The following AMMECR1 variants were observed in gnomAD, a reference collection of about 807,000 sequenced individuals.
The protein encoded by AMMECR1 is nuclear protein AMMECR1.
AMMECR1 carries 3 observed loss-of-function variants against 22.5 expected under a neutral mutation model. The ratio of observed to expected loss-of-function variants is 0.13; its 90% CI spans 0.06 to 0.35. AMMECR1 has a LOEUF of 0.35. Among genes scored for constraint, AMMECR1 ranks in the 10% least tolerant of loss-of-function variants. AMMECR1 has a pLI of 1.00. For synonymous variants in AMMECR1, 130 were observed against 116.7 expected (o/e 1.11, Z -0.74); for missense variants, 235 against 278.7 (o/e 0.84, Z 1.12).
intron 3 of AMMECR1, among the ~76,000 whole-genome samples, chrX:110,207,223 G>A (rs1360881891): frequency 9.0e-6 from 1 of 111,179 alleles, no homozygotes; most frequent in Non-Finnish European, 1.9e-5. Context: ...TGGTGTTTCT[G>A]ACATTCTTAG....
chrX:110,341,327 C>T (rs1193654363), intron 2 of AMMECR1, among the ~76,000 whole-genome samples: 2 of 112,357 alleles, frequency 1.8e-5, no homozygotes, highest in Admixed American at 1.9e-4. Context: ...GACTTCCACT[C>T]TGATAGTTAC....
At chrX:110,363,808 C>A (rs2068279732) in intron 2 of AMMECR1, among the ~76,000 whole-genome samples, 1 of 111,208 alleles carries the variant, frequency 9.0e-6, no homozygotes, top group Non-Finnish European at 1.9e-5. Flanking sequence ...ATAACAAGTG[C>A]CTACAGAGTC....
intron 1 of AMMECR1, among the ~76,000 whole-genome samples, chrX:110,292,181 A>G (rs905192623): frequency 1.5e-4 from 17 of 112,405 alleles, no homozygotes; most frequent in Non-Finnish European, 3.0e-4. Context: ...AAAGAAAAGA[A>G]CCAGGAAGTT....
chrX:110,263,109 G>A (rs764024147), intron 2 of AMMECR1, among the ~76,000 whole-genome samples: 5 of 110,765 alleles, frequency 4.5e-5, no homozygotes. Flanking sequence ...AATTGCCATT[G>A]ATTAGTATTA....
At chrX:110,296,586 T>C (rs1011958193) in intron 1 of AMMECR1, among the ~76,000 whole-genome samples, 1 of 111,725 alleles carries the variant, frequency 9.0e-6, no homozygotes, top group African/African-American at 3.2e-5. Context: ...CATATGATAA[T>C]CTCAGTTAAC....
At chrX:110,293,874 C>T (rs963622276) in intron 1 of AMMECR1, among the ~76,000 whole-genome samples, 2 of 111,501 alleles carry the variant, frequency 1.8e-5, no homozygotes, top group Non-Finnish European at 3.8e-5. Context: ...CATCCTCTAA[C>T]TACTACAGGC....
intron 2 of AMMECR1, among the ~76,000 whole-genome samples, chrX:110,347,905 C>A (rs2068196868): frequency 1.8e-5 from 2 of 112,607 alleles, no homozygotes; most frequent in African/African-American, 6.4e-5. Context: ...CACTTCTGAT[C>A]TTTGTGAATA....
chrX:110,252,040 C>A (rs754384357), intron 2 of AMMECR1, among the ~76,000 whole-genome samples: 1 of 111,791 alleles, frequency 8.9e-6, no homozygotes, highest in African/African-American at 3.3e-5. Context: ...ATATTTACTA[C>A]GTACCTAGTA....
At chrX:110,344,966 A>G (rs1334702244) in intron 2 of AMMECR1, among the ~76,000 whole-genome samples, 2 of 112,290 alleles carry the variant, frequency 1.8e-5, no homozygotes, top group Non-Finnish European at 3.8e-5. Context: ...AACTAGAGAT[A>G]CCATTTGACC....
chrX:110,349,998 C>A (rs992417405), intron 2 of AMMECR1, among the ~76,000 whole-genome samples: 6 of 111,968 alleles, frequency 5.4e-5, no homozygotes, highest in African/African-American at 1.9e-4. Flanking sequence ...CAGACTTAAT[C>A]AAGCTAAATA....
At chrX:110,343,640 G>C (rs1340195052) in intron 2 of AMMECR1, among the ~76,000 whole-genome samples, 2 of 111,241 alleles carry the variant, frequency 1.8e-5, no homozygotes, top group East Asian at 2.8e-4. Flanking sequence ...GCAAATTCAG[G>C]AAAGTCTCAG....
At chrX:110,367,688 C>T (rs1042299727) in intron 2 of AMMECR1, among the ~76,000 whole-genome samples, 1 of 111,394 alleles carries the variant, frequency 9.0e-6, no homozygotes, top group African/African-American at 3.3e-5. Flanking sequence ...ACCTGCTTCT[C>T]CCACAGCCTT....
At position 110,219,062 on chromosome X, in the gene AMMECR1, T is replaced by C. The variant is rs755581493; in HGVS notation, c.585-2430A>G. On this transcript the variant is annotated intron_variant, in intron 2 of 5. Coordinates refer to ENST00000262844, the MANE Select transcript of AMMECR1 (RefSeq NM_015365.3). ...CATTGGTTGATGGACATTTGGGCTG[T>C]TCCCACTTTTTGGCTATTATAAATA... Among the ~76,000 whole-genome samples the C allele has an allele frequency of 8.9e-5, 10 of 112,118 alleles. No homozygotes were observed. The East Asian group carries it at 2.8e-3, about 31-fold the overall frequency.
chrX:110,402,796 G>A (rs768776147), intron 2 of AMMECR1, among the ~76,000 whole-genome samples: 1 of 112,242 alleles, frequency 8.9e-6, no homozygotes, highest in South Asian at 3.8e-4. Context: ...TGTAGGTGAT[G>A]GTTGGGGGTA....
At chrX:110,378,620 T>C (rs1184053960) in intron 2 of AMMECR1, among the ~76,000 whole-genome samples, 5 of 112,292 alleles carry the variant, frequency 4.5e-5, no homozygotes, top group African/African-American at 1.3e-4. Flanking sequence ...CTACCATTCT[T>C]TGTTTTCAGA....
intron 2 of AMMECR1, among the ~76,000 whole-genome samples, chrX:110,425,011 C>T (rs1253865401): frequency 2.7e-5 from 3 of 111,833 alleles, no homozygotes. Flanking sequence ...TAGGTAATGT[C>T]TAGGTCACAC....
chrX:110,224,979 C>G, intron 2 of AMMECR1: 1 of 350,317 alleles, frequency 2.9e-6, no homozygotes, highest in African/African-American at 2.7e-5. Flanking sequence ...TAAAAAAAAT[C>G]CATAGAATCC....
chrX:110,205,561 G>A (rs1474916451), intron 3 of AMMECR1, among the ~76,000 whole-genome samples: 1 of 111,535 alleles, frequency 9.0e-6, no homozygotes. Context: ...ACGTATGGAT[G>A]AGGGGGCAGC....
At chrX:110,333,581 C>A (rs1390094670) in intron 2 of AMMECR1, among the ~76,000 whole-genome samples, 1 of 111,693 alleles carries the variant, frequency 9.0e-6, no homozygotes, top group Non-Finnish European at 1.9e-5. Flanking sequence ...CCCAAATGCC[C>A]ATCAATGATA....
Sources: gnomAD v4.1 joint callset for allele counts (sites outside exome capture counted in the v4.1 genomes callset) on GRCh38, gnomAD v4.1.1 for gene constraint, MANE v1.5 for transcripts, NCBI Gene and HGNC (gene_info 2026-07-23, HGNC 2026-07-21) for gene names.